Variants in NEB observed in about 807,000 individuals in gnomAD.
The protein encoded by NEB is nebulin, also known as nemaline myopathy type 2.
A neutral mutation model predicts 952.2 loss-of-function variants in NEB; 512 were observed. The ratio of observed to expected loss-of-function variants is 0.54; its 90% confidence interval spans 0.50 to 0.58. The LOEUF (loss-of-function observed/expected upper bound fraction) is 0.58, where lower values mean the gene tolerates loss of function less well. Ranked by LOEUF, NEB falls within the 20% of genes least tolerant of loss-of-function variation. NEB has a pLI of 0.00. For missense variants in NEB, 8,428 were observed against 9,231.1 expected, an observed-to-expected ratio of 0.91 and a Z score of 3.56; for synonymous variants, 2,900 against 3,149.8, an observed-to-expected ratio of 0.92 and a Z score of 2.66.
rs2098276094 is a variant in NEB, at chr2:151,618,415, C to T, written c.10936G>A (p.Glu3646Lys). ...GIGWVPIDSL[E>K]VVRAKRAGEL... is the part of the protein sequence containing the mutation. Reference sequence around the variant, plus strand: ...CCAGCTCTCTTGGCCCTAACAACTTCCAAGGAATCAATCGGAACCCAGCCA... The same window carrying T: ...CCAGCTCTCTTGGCCCTAACAACTTTCAAGGAATCAATCGGAACCCAGCCA... The change falls in exon 74 of 182, where the codon GAA (glutamate) becomes AAA (lysine). Residue 3646 changes from glutamate to lysine, a missense_variant. Glu to Lys is a moderately conservative substitution (Grantham distance 56). Around this residue, in one of 11 missense-constraint regions of NEB, gnomAD observed 1,772 missense variants for 1,960.3 expected, o/e 0.90. Transcript: ENST00000397345. The T allele has an allele frequency of 1.2e-6, 2 of 1,613,908 alleles. No individual in the cohort carries two copies. The highest frequency in any genetic ancestry group is 4.5e-5 in the East Asian group (2 of 44,848).
Position 151,485,885 on chromosome 2 carries a change from C to A in NEB, c.25453G>T (p.Val8485Leu), listed in dbSNP as rs747323786. ...ATGGCATCTCCATCCTTGAAGGACA[C>A]CTCATCTGCATCAGCAGCCATATAG... ...YDYMAADADE[V>L]SFKDGDAIIN... Residue 8485 changes from valine to leucine, a missense_variant, in exon 182 of 182, where the codon GTG becomes TTG. By Grantham distance (32) the Val-to-Leu change is conservative. Coordinates refer to ENST00000397345, the MANE Select transcript of NEB (RefSeq NM_001164508.2). 1 of 1,613,844 alleles carries A rather than the reference C, an allele frequency of 6.2e-7. No individual in the cohort carries two copies.
At chr2:151,702,034 T>C (rs1576928546) in intron 13 of NEB, among the ~76,000 whole-genome samples, 2 of 149,974 alleles carry the variant, frequency 1.3e-5, no homozygotes, top group East Asian at 3.9e-4. Flanking sequence ...CACACTGCTT[T>C]GAATGCGTCC....
intron 77 of NEB, among the ~76,000 whole-genome samples, chr2:151,613,702 C>T (rs967992419): frequency 2.0e-5 from 3 of 152,090 alleles, no homozygotes; most frequent in Non-Finnish European, 4.4e-5. Context: ...CCTTGCTGTT[C>T]TTGTGATAGT....
chr2:151,618,202 C>A (rs1573877132), intron 74 of NEB, 73 bp downstream of exon 74: 1 of 1,325,884 alleles, frequency 7.5e-7, no homozygotes, highest in Admixed American at 1.8e-5. Flanking sequence ...CTTTAAAATG[C>A]AATAATATAT....
At position 151,566,812 on chromosome 2, in the gene NEB, T is replaced by C. The variant is rs140597189; in HGVS notation, c.18156+356A>G. Among the ~76,000 whole-genome samples, 249 of 152,348 alleles carry C rather than the reference T, an allele frequency of 1.6e-3. 1 individual carries two copies. Among genetic ancestry groups the C allele is most frequent in the African/African-American group, 5.6e-3 (231 of 41,578 alleles). On this transcript the variant is annotated intron_variant, in intron 114 of 181. Transcript: ENST00000397345. ...TCTTTAACTGTGCTATCATCTAATA[T>C]TGTCAAAACCTCAACTCATTCTCAA...
chr2:151,725,583 G>A, intron 5 of NEB, 23 bp from the exon 6 acceptor site: 1 of 1,589,126 alleles, frequency 6.3e-7, no homozygotes, highest in Non-Finnish European at 8.6e-7. Flanking sequence ...TCAGATATTA[G>A]CCTAACAAGA....
chr2:151,677,214 G>A (rs2099367935), intron 34 of NEB, among the ~76,000 whole-genome samples: 1 of 152,106 alleles, frequency 6.6e-6, no homozygotes. Context: ...CAACAAATCT[G>A]CCACAATAAA....
chr2:151,706,237 A>G (rs2099705729), intron 13 of NEB, among the ~76,000 whole-genome samples: 7 of 152,224 alleles, frequency 4.6e-5, no homozygotes, highest in Admixed American at 4.6e-4. Flanking sequence ...CAAAGAAAAG[A>G]TAACTAACCC....
At chr2:151,551,918 T>A (rs1360714760) in intron 128 of NEB, 73 bp from the exon 129 acceptor site, 1 of 1,034,044 alleles carries the variant, frequency 9.7e-7, no homozygotes, top group African/African-American at 1.6e-5. Flanking sequence ...AAAATAACGG[T>A]AGCCTGCTTC....
At chr2:151,683,013 C>T (rs2099436224) in intron 28 of NEB, among the ~76,000 whole-genome samples, 1 of 152,116 alleles carries the variant, frequency 6.6e-6, no homozygotes, top group Non-Finnish European at 1.5e-5. Context: ...GTCTGTGGTA[C>T]TCTAATTCCA....
At position 151,540,813 on chromosome 2, in the gene NEB, A is replaced by C. The variant is rs2153570194; in HGVS notation, c.20683-12T>G. 1 of 1,593,338 alleles carries C rather than the reference A, an allele frequency of 6.3e-7. No homozygotes were observed. Among genetic ancestry groups the C allele is most frequent in the Non-Finnish European group, 8.6e-7 (1 of 1,161,334 alleles). On this transcript the variant is annotated splice_polypyrimidine_tract_variant and intron_variant, in intron 136 of 181. Coordinates refer to ENST00000397345, the MANE Select transcript of NEB (RefSeq NM_001164508.2). ...TCAACATACAGATACTGAATAATAG[A>C]AGAAAGTGAGGTGTCATAGAGATAA...
Position 151,691,881 on chromosome 2 carries a change from G to T in NEB, c.2194C>A (p.Leu732Met), listed in dbSNP as rs1275438017. ...ITQEYEAIKK[L>M]DQCKDHTYKV... ...TAACTTACATCTTTACACTGGTCCA[G>T]CTTCTTGATTGCTTCATATTCTTGT... The change falls in exon 23 of 182, where the codon CTG becomes ATG. Residue 732 changes from leucine (L) to methionine (M), a missense_variant. Around this residue, in one of 11 missense-constraint regions of NEB, gnomAD observed 2,851 missense variants for 2,791.5 expected, o/e 1.02. Coordinates refer to ENST00000397345, the MANE Select transcript of NEB (RefSeq NM_001164508.2). 1 of 1,597,842 alleles carries T rather than the reference G, an allele frequency of 6.3e-7. No homozygotes were observed.
intron 137 of NEB, 115 bp from the exon 138 acceptor site, chr2:151,540,563 C>T: frequency 9.0e-7 from 1 of 1,108,612 alleles, no homozygotes; most frequent in South Asian, 1.5e-5. Context: ...AAGAGAATAG[C>T]TCTGCCTTTT....
chr2:151,537,321 A>AAGCACT (rs2093350862), intron 140 of NEB, 85 bp from the exon 141 acceptor site: 1 of 752,168 alleles, frequency 1.3e-6, no homozygotes, highest in Non-Finnish European at 2.4e-6. Context: ...GAACAAACAG[A>AAGCACT]AGCACTACCC....
chr2:151,652,741 G>A (rs1298937747), intron 52 of NEB, among the ~76,000 whole-genome samples: 1 of 152,256 alleles, frequency 6.6e-6, no homozygotes, highest in East Asian at 1.9e-4. Context: ...CTCTATAATA[G>A]TGGGAAAGTT....
At chr2:151,512,444 G>A (rs13409931) in intron 161 of NEB, among the ~76,000 whole-genome samples, 1 of 151,998 alleles carries the variant, frequency 6.6e-6, no homozygotes, top group African/African-American at 2.4e-5. Flanking sequence ...TCCCACCTCA[G>A]CCTTCCTAGA....
Position 151,496,999 on chromosome 2 carries a change from G to C in NEB, c.24335C>G (p.Pro8112Arg). 6.3e-7 allele frequency: 1 copy of C among 1,577,842 alleles called. No homozygotes were observed. The highest frequency in any genetic ancestry group is 8.6e-7 in the Non-Finnish European group (1 of 1,159,702). Residue 8112 changes from proline to arginine, a missense_variant, in exon 172 of 182, where the codon CCT becomes CGT. Transcript: ENST00000397345. ...LYKENMGKGT[P>R]LPVTPEMERV... The stretch of plus-strand genomic sequence containing the variant: ...CTCCATCTCAGGAGTGACAGGTAGA[G>C]GGGTTCCCTTGCCCATGTTTTCTTT...
chr2:151,497,725 G>T lies in NEB; in HGVS notation c.24208-7C>A, dbSNP rs113048349. ...TGTTTTCTTTGTATAACACCTGTGCGATAAGAAAGCATCCAGAAAAACAAC... is the reference window on the plus strand; with the variant it reads ...TGTTTTCTTTGTATAACACCTGTGCTATAAGAAAGCATCCAGAAAAACAAC... On this transcript the variant is annotated splice_polypyrimidine_tract_variant and splice_region_variant and intron_variant, in intron 170 of 181. Coordinates refer to ENST00000397345, the MANE Select transcript of NEB (RefSeq NM_001164508.2). 5.7e-5 allele frequency: 90 copies of T among 1,567,496 alleles called. No homozygotes were observed. The highest frequency in any genetic ancestry group is 8.1e-5 in the African/African-American group (6 of 73,878).
chr2:151,556,796 G>T (rs1482659613), intron 124 of NEB, among the ~76,000 whole-genome samples: 2 of 152,036 alleles, frequency 1.3e-5, no homozygotes, highest in Non-Finnish European at 2.9e-5. Flanking sequence ...ACACTAGACA[G>T]ATCAACCAGA....
Sources: gnomAD v4.1 joint callset for allele counts (sites outside exome capture counted in the v4.1 genomes callset) on GRCh38, gnomAD v4.1.1 for gene constraint, gnomAD v4.1.1 regional missense constraint, MANE v1.5 for transcripts, NCBI Gene and HGNC (gene_info 2026-07-23, HGNC 2026-07-21) for gene names.